The following MAN2B2 variants were observed in gnomAD, a reference collection of about 807,000 sequenced individuals.
MAN2B2 encodes the protein mannosidase alpha class 2B member 2.
MAN2B2 carries 106 observed loss-of-function variants against 117.1 expected under a neutral mutation model. The observed-to-expected ratio is 0.90, with a 90% confidence interval of 0.77 to 1.06. The LOEUF (loss-of-function observed/expected upper bound fraction) is 1.06. MAN2B2 is among the 50% of genes least tolerant of loss of function. The pLI, the probability that MAN2B2 is intolerant of heterozygous loss-of-function variation, is 0.00. For synonymous variants in MAN2B2, 544 were observed against 595.1 expected (o/e 0.91, Z 1.25); for missense variants, 1,326 against 1,381.4 (o/e 0.96, Z 0.64).
At chr4:6,620,295 C>A in intron 18 of MAN2B2, 1 of 393,964 alleles carries the variant, frequency 2.5e-6, no homozygotes, top group South Asian at 2.7e-5. Flanking sequence ...ACGCAGACCA[C>A]ACGCCCTGCC....
intron 11 of MAN2B2, among the ~76,000 whole-genome samples, chr4:6,608,675 G>T (rs921447234): frequency 2.6e-5 from 4 of 152,226 alleles, no homozygotes; most frequent in Non-Finnish European, 4.4e-5. Context: ...GCCTTTGGGG[G>T]TTGGGAGAAT....
chr4:6,590,062 G>A (rs764989678), intron 5 of MAN2B2, among the ~76,000 whole-genome samples: 29 of 150,700 alleles, frequency 1.9e-4, no homozygotes, highest in Non-Finnish European at 3.4e-4. Context: ...GTGAGAACCT[G>A]TCTCTATTTA....
chr4:6,609,320 CCACAGCCCGGCA>C (rs1727673831), intron 12 of MAN2B2, 22 bp downstream of exon 12: 1 of 1,608,072 alleles, frequency 6.2e-7, no homozygotes, highest in African/African-American at 1.3e-5. Flanking sequence ...GGGGTGACCC[CCACAGCCCGGCA>C]CACAGTCAGC....
intron 3 of MAN2B2, among the ~76,000 whole-genome samples, chr4:6,586,590 C>T (rs187138817): frequency 6.6e-6 from 1 of 151,988 alleles, no homozygotes; most frequent in Non-Finnish European, 1.5e-5. Flanking sequence ...CCGCTGATAT[C>T]TACAGGCATC....
intron 16 of MAN2B2, among the ~76,000 whole-genome samples, chr4:6,614,994 T>C (rs1299144039): frequency 6.6e-6 from 1 of 152,194 alleles, no homozygotes; most frequent in Non-Finnish European, 1.5e-5. Context: ...GAGCCCCAGC[T>C]GCACCTCCTC....
Position 6,614,232 on chromosome 4 carries a change from C to A in MAN2B2, c.2578C>A (p.Leu860Ile). Residue 860 changes from leucine to isoleucine, a missense_variant, in exon 16 of 19, where the codon CTC (leucine) becomes ATC (isoleucine). Physicochemically the swap from Leu to Ile is conservative, Grantham distance 5. Transcript: ENST00000285599. The part of the protein sequence containing the change: ...FGDLAGTAPK[L>I]PGPQQQEAVT... ...CTGCCTTGCAGGGACTGCGCCGAAG[C>A]TCCCAGGACCCCAGCAGCAAGAGGC... is the stretch of plus-strand genomic sequence containing the variant. 3 of 1,614,120 alleles carry A rather than the reference C, an allele frequency of 1.9e-6. No homozygotes were observed. The highest frequency in any genetic ancestry group is 2.5e-6 in the Non-Finnish European group (3 of 1,179,988).
At chr4:6,596,213 C>T (rs1201345263) in intron 7 of MAN2B2, among the ~76,000 whole-genome samples, 5 of 151,710 alleles carry the variant, frequency 3.3e-5, no homozygotes, top group African/African-American at 7.3e-5. Context: ...GGTATCCAGG[C>T]GGGCATGGTA....
chr4:6,613,877 A>T (rs1269675355), intron 15 of MAN2B2, among the ~76,000 whole-genome samples: 3 of 152,114 alleles, frequency 2.0e-5, no homozygotes, highest in Non-Finnish European at 2.9e-5. Flanking sequence ...GAAGGAAGAA[A>T]GGAGAGAGAG....
intron 5 of MAN2B2, among the ~76,000 whole-genome samples, 184 bp downstream of exon 5, chr4:6,589,344 G>A (rs1370211204): frequency 2.6e-5 from 4 of 152,158 alleles, no homozygotes; most frequent in Admixed American, 1.3e-4. Context: ...GGGTTCAAGC[G>A]ATTCTTCTGC....
rs534062158 is a variant in MAN2B2 at position 6,605,167 on chromosome 4, G to A, written c.1652G>A (p.Gly551Asp). ...AGACCCACTGCAGGGGCCCAAGAGGGCACCCAGGAGCCGGCTGCCACTGTG... is the reference window on the plus strand; with the variant it reads ...AGACCCACTGCAGGGGCCCAAGAGGACACCCAGGAGCCGGCTGCCACTGTG... ...NIRPTAGAQE[G>D]TQEPAATVAS... is the part of the protein sequence containing the mutation. The change falls in exon 11 of 19, where the codon GGC becomes GAC. Residue 551 changes from glycine to aspartate, a missense_variant. Physicochemically the swap from Gly to Asp is moderately conservative, Grantham distance 94 (BLOSUM62 -1). Transcript: ENST00000285599. 3.1e-6 allele frequency: 5 copies of A among 1,614,210 alleles called. No individual in the cohort carries two copies. The African/African-American group carries it at 4.0e-5, about 13-fold the overall frequency.
At position 6,576,857 on chromosome 4, in the gene MAN2B2, T is replaced by C. The variant is rs949666792; in HGVS notation, c.285+133T>C. The C allele has an allele frequency of 6.3e-6, 6 of 949,372 alleles. No homozygotes were observed. In the African/African-American group the frequency reaches 6.5e-5, roughly 10 times the overall value. 58.8% of individuals were successfully genotyped at this position (949,372 alleles called of 1,614,324 possible). Reference sequence around the variant, plus strand: ...CCACAGGGCCAAAACCCCACCGGGCTATTCACAGCCTTGTTTAGATCAAGG... The same window carrying C: ...CCACAGGGCCAAAACCCCACCGGGCCATTCACAGCCTTGTTTAGATCAAGG... On this transcript the variant is annotated intron_variant, in intron 2 of 18. Transcript: ENST00000285599.
Position 6,600,629 on chromosome 4 carries a change from G to A in MAN2B2, c.1412G>A (p.Gly471Glu), listed in dbSNP as rs149231849. The change falls in exon 10 of 19, where the codon GGA becomes GAA. Residue 471 changes from glycine to glutamate, a missense_variant. Transcript: ENST00000285599. ...QAPMAASSDA[G>E]PAGHFASVYN... ...GCCTCTTCTCTGTGTGCAGATGCAG[G>A]ACCTGCAGGACATTTTGCCTCGGTC... The A allele has an allele frequency of 2.2e-4, 358 of 1,613,804 alleles. 1 individual carries two copies. In the Admixed American group the frequency reaches 3.0e-3, roughly 14 times the overall value.
intron 18 of MAN2B2, 64 bp from the exon 19 acceptor site, chr4:6,621,124 G>T (rs995251970): frequency 9.3e-6 from 11 of 1,179,190 alleles, no homozygotes; most frequent in Non-Finnish European, 1.4e-5. Context: ...GGTGCAGGGG[G>T]TGAGAGGGAG....
Position 6,578,970 on chromosome 4 carries a change from C to T in MAN2B2, c.391+472C>T, listed in dbSNP as rs551536365. Among the ~76,000 whole-genome samples the T allele has an allele frequency of 2.4e-3, 353 of 146,464 alleles. 2 individuals are homozygous for T. Among genetic ancestry groups the T allele is most frequent in the South Asian group, 0.015 (67 of 4,546 alleles). On this transcript the variant is annotated intron_variant, in intron 3 of 18. Transcript: ENST00000285599. ...ATGACCATGACTACTACCATCACCA[C>T]CACCACCACGATGACCATCACTACC...
intron 9 of MAN2B2, among the ~76,000 whole-genome samples, chr4:6,599,337 C>T (rs1727229944): frequency 6.6e-6 from 1 of 152,064 alleles, no homozygotes. Flanking sequence ...AACTCCTGGG[C>T]TCAAGTGGTC....
At chr4:6,614,491 C>G (rs1249907423) in intron 16 of MAN2B2, 136 bp downstream of exon 16, 1 of 1,095,686 alleles carries the variant, frequency 9.1e-7, no homozygotes, top group Non-Finnish European at 1.3e-6. Context: ...TTATCTGGCA[C>G]ATGGGGAGAG....
chr4:6,597,183 C>A lies in MAN2B2; in HGVS notation c.1128C>A (p.Ser376Arg), dbSNP rs773194490. ...SSLKGLARRA[S>R]ALLYAGESMF... is the part of the protein sequence containing the mutation. Reference sequence around the variant, plus strand: ...TGAAGGGGCTGGCCCGGCGAGCCAGCGCCTTGTTGTATGCCGGGGAGTCCA... The same window carrying A: ...TGAAGGGGCTGGCCCGGCGAGCCAGAGCCTTGTTGTATGCCGGGGAGTCCA... The change falls in exon 8 of 19, where the codon AGC (serine) becomes AGA (arginine). Residue 376 changes from serine (S) to arginine (R), a missense_variant. By Grantham distance (110) the Ser-to-Arg change is moderately radical (BLOSUM62 -1). Transcript: ENST00000285599. 6.2e-7 allele frequency: 1 copy of A among 1,612,638 alleles called. No individual in the cohort carries two copies. The highest frequency in any genetic ancestry group is 1.7e-5 in the Admixed American group (1 of 59,916).
rs1380705277 is a variant in MAN2B2 at position 6,575,355 on chromosome 4, G to A, written c.138+7G>A. ...CTGGGTCTACACTGTGCAGGTAGGT[G>A]CCGACCACGCCCCGCGCGCCCCTGA... On this transcript the variant is annotated splice_region_variant and intron_variant, in intron 1 of 18. Coordinates refer to ENST00000285599, the MANE Select transcript of MAN2B2 (RefSeq NM_015274.3). 7.9e-6 allele frequency: 12 copies of A among 1,525,636 alleles called. No homozygotes were observed. The highest frequency in any genetic ancestry group is 2.5e-5 in the East Asian group (1 of 40,348). The allele number at this position is 1,525,636 out of a possible 1,614,324, so 94.5% of individuals were successfully genotyped here.
intron 16 of MAN2B2, among the ~76,000 whole-genome samples, chr4:6,616,869 C>G (rs564721244): frequency 1.1e-4 from 16 of 152,122 alleles, no homozygotes; most frequent in Non-Finnish European, 2.4e-4. Flanking sequence ...GTTTCCTTGT[C>G]GAGTGGGGGC....
Sources: gnomAD v4.1 joint callset for allele counts (sites outside exome capture counted in the v4.1 genomes callset) on GRCh38, gnomAD v4.1.1 for gene constraint, MANE v1.5 for transcripts, NCBI Gene and HGNC (gene_info 2026-07-23, HGNC 2026-07-21) for gene names.